Variants in DMRT1 observed in about 807,000 individuals in gnomAD.
DMRT1 encodes doublesex and mab-3 related transcription factor 1.
Under a neutral mutation model 32.3 loss-of-function variants are expected in DMRT1, and 7 were observed. The observed-to-expected ratio is 0.22, with a 90% CI of 0.12 to 0.41. The LOEUF (loss-of-function observed/expected upper bound fraction) is 0.41. DMRT1 is among the 10% of genes least tolerant of loss of function. The pLI is 1.00. For synonymous variants in DMRT1, 278 were observed against 206.1 expected, an observed-to-expected ratio of 1.35 and a Z score of -2.99; for missense variants, 625 against 500.5, an observed-to-expected ratio of 1.25 and a Z score of -2.37.
intron 2 of DMRT1, among the ~76,000 whole-genome samples, chr9:858,693 G>A (rs1416802466): frequency 6.6e-6 from 1 of 151,824 alleles, no homozygotes; most frequent in Non-Finnish European, 1.5e-5. Flanking sequence ...GACCAACATG[G>A]CGAATCCCTG....
intron 4 of DMRT1, among the ~76,000 whole-genome samples, chr9:957,955 T>C (rs1819652171): frequency 6.6e-6 from 1 of 152,152 alleles, no homozygotes; most frequent in South Asian, 2.1e-4. Context: ...GTTGCCCCGA[T>C]TGGAGATTGT....
At chr9:884,183 T>G (rs548121571) in intron 2 of DMRT1, among the ~76,000 whole-genome samples, 4 of 152,160 alleles carry the variant, frequency 2.6e-5, no homozygotes, top group African/African-American at 9.6e-5. Context: ...TTGGGAATCA[T>G]GACACCAGCA....
At chr9:877,869 G>A (rs576034614) in intron 2 of DMRT1, among the ~76,000 whole-genome samples, 2 of 152,286 alleles carry the variant, frequency 1.3e-5, no homozygotes, top group Admixed American at 6.5e-5. Context: ...AGTACACCTG[G>A]AAGAGATCTG....
chr9:963,462 G>C (rs879209457), intron 4 of DMRT1, among the ~76,000 whole-genome samples: 2 of 152,222 alleles, frequency 1.3e-5, no homozygotes, highest in Admixed American at 1.3e-4. Flanking sequence ...GATTACCAAA[G>C]GGCTATTTTT....
chr9:872,052 T>C (rs993006026), intron 2 of DMRT1, among the ~76,000 whole-genome samples: 6 of 151,340 alleles, frequency 4.0e-5, no homozygotes, highest in Admixed American at 2.0e-4. Flanking sequence ...ATAATTTACA[T>C]GCCATAAAAC....
chr9:956,119 A>G (rs1218617490), intron 4 of DMRT1, among the ~76,000 whole-genome samples: 1 of 152,262 alleles, frequency 6.6e-6, no homozygotes, highest in Non-Finnish European at 1.5e-5. Context: ...GATGTATTCT[A>G]CAACATGGAT....
chr9:896,083 A>G (rs924537257), intron 3 of DMRT1, among the ~76,000 whole-genome samples: 12 of 151,528 alleles, frequency 7.9e-5, no homozygotes, highest in East Asian at 3.9e-4. Flanking sequence ...GATTACAGGC[A>G]TGAGCCACCA....
At position 842,173 on chromosome 9, in the gene DMRT1, A is replaced by C; in HGVS notation, c.335A>C (p.Gln112Pro). 1 of 1,542,360 alleles carries C rather than the reference A, an allele frequency of 6.5e-7. No individual in the cohort carries two copies. Among genetic ancestry groups the C allele is most frequent in the Non-Finnish European group, 8.7e-7 (1 of 1,150,014 alleles). The change falls in exon 1 of 5, where the codon CAG (glutamine) becomes CCG (proline). Residue 112 changes from glutamine to proline, a missense_variant. Physicochemically the swap from Gln to Pro is moderately conservative, Grantham distance 76. Transcript: ENST00000382276. ...AAGTGCAACCTGATCGCCGAGAGGCAGCGCGTGATGGCCGCGCAGGTGGGT... is the reference window on the plus strand; with the variant it reads ...AAGTGCAACCTGATCGCCGAGAGGCCGCGCGTGATGGCCGCGCAGGTGGGT... ...CKKCNLIAER[Q>P]RVMAAQVALR...
chr9:935,931 A>G (rs1373577754), intron 4 of DMRT1, among the ~76,000 whole-genome samples: 1 of 152,212 alleles, frequency 6.6e-6, no homozygotes, highest in African/African-American at 2.4e-5. Context: ...GTTAGGTAGA[A>G]AAGTGCCACC....
chr9:869,477 G>A (rs543455539), intron 2 of DMRT1, among the ~76,000 whole-genome samples: 19 of 152,220 alleles, frequency 1.2e-4, no homozygotes, highest in East Asian at 5.8e-4. Flanking sequence ...TTCCGTCTCC[G>A]GGTCATTGCT....
chr9:884,862 C>T (rs548642506), intron 2 of DMRT1, among the ~76,000 whole-genome samples: 52 of 152,008 alleles, frequency 3.4e-4, no homozygotes, highest in Admixed American at 3.9e-4. Flanking sequence ...CTCAGCTACT[C>T]GGGAGGCTGA....
chr9:846,965 C>A lies in DMRT1; in HGVS notation c.360C>A (p.Ala120=), dbSNP rs756450039. Residue 120 remains alanine (A), a synonymous_variant, in exon 2 of 5, where the codon GCC becomes GCA. Coordinates refer to ENST00000382276, the MANE Select transcript of DMRT1 (RefSeq NM_021951.3). ...ERQRVMAAQV[A]LRRQQAQEEE... ...TCATTGTCGTGTGCTTCCAGGTGGC[C>A]CTGAGAAGGCAGCAGGCCCAGGAGG... The A allele has an allele frequency of 6.2e-7, 1 of 1,614,084 alleles. No homozygotes were observed. The highest frequency in any genetic ancestry group is 1.3e-5 in the African/African-American group (1 of 75,016).
At chr9:952,912 T>G (rs978108667) in intron 4 of DMRT1, among the ~76,000 whole-genome samples, 2 of 152,214 alleles carry the variant, frequency 1.3e-5, no homozygotes, top group Non-Finnish European at 2.9e-5. Context: ...ATTTATATTC[T>G]TTTTTTGTTG....
At chr9:920,412 A>C (rs993556758) in intron 4 of DMRT1, among the ~76,000 whole-genome samples, 5 of 152,136 alleles carry the variant, frequency 3.3e-5, no homozygotes, top group African/African-American at 1.2e-4. Flanking sequence ...TTTTAATGAG[A>C]GCCAAAGAGT....
At chr9:937,912 A>T (rs1818939821) in intron 4 of DMRT1, among the ~76,000 whole-genome samples, 1 of 151,938 alleles carries the variant, frequency 6.6e-6, no homozygotes. Context: ...ATATTTAAGA[A>T]ACCATTGTCA....
At chr9:914,326 G>T (rs1435689846) in intron 3 of DMRT1, among the ~76,000 whole-genome samples, 1 of 152,098 alleles carries the variant, frequency 6.6e-6, no homozygotes, top group Non-Finnish European at 1.5e-5. Context: ...TGTAATCCCA[G>T]CACTTTGGGA....
chr9:907,508 C>A (rs1267699272), intron 3 of DMRT1, among the ~76,000 whole-genome samples: 1 of 152,186 alleles, frequency 6.6e-6, no homozygotes, highest in Non-Finnish European at 1.5e-5. Flanking sequence ...CACCAAGACC[C>A]TTTCAGGTTT....
rs181881818 is a variant in DMRT1, at chr9:845,814, T to C, written c.355-1146T>C. 8.8e-4 allele frequency among the ~76,000 whole-genome samples: 134 copies of C among 152,310 alleles called. 1 individual carries two copies. Among genetic ancestry groups the C allele is most frequent in the African/African-American group, 3.0e-3 (126 of 41,562 alleles). On this transcript the variant is annotated intron_variant, in intron 1 of 4. Coordinates refer to ENST00000382276, the MANE Select transcript of DMRT1 (RefSeq NM_021951.3). ...CCCACCCTGTTCCATATTATTCCGA[T>C]ATGTACTGCCCCTTCATCCTTGCCT...
intron 4 of DMRT1, among the ~76,000 whole-genome samples, chr9:966,741 T>C (rs900935481): frequency 6.6e-6 from 1 of 152,224 alleles, no homozygotes; most frequent in Non-Finnish European, 1.5e-5. Context: ...TAGTGTTCAG[T>C]TGTAAAAAGG....
Sources: gnomAD v4.1 joint callset for allele counts (sites outside exome capture counted in the v4.1 genomes callset) on GRCh38, gnomAD v4.1.1 for gene constraint, MANE v1.5 for transcripts, NCBI Gene and HGNC (gene_info 2026-07-23, HGNC 2026-07-21) for gene names.